Variants in NSMAF observed in about 807,000 individuals in gnomAD.
NSMAF encodes the protein protein FAN.
A neutral mutation model predicts 134.9 loss-of-function variants in NSMAF; 90 were observed. The ratio of observed to expected loss-of-function variants is 0.67; its 90% confidence interval spans 0.56 to 0.79. The LOEUF is 0.79. NSMAF is among the 30% of genes least tolerant of loss of function. NSMAF has a pLI of 0.00. For synonymous variants in NSMAF, 358 were observed against 389.6 expected (o/e 0.92, Z 0.96); for missense variants, 1,010 against 1,119.0 (o/e 0.90, Z 1.39).
chr8:58,621,009 T>C (rs184450179), intron 9 of NSMAF, among the ~76,000 whole-genome samples: 30 of 152,258 alleles, frequency 2.0e-4, no homozygotes, highest in Non-Finnish European at 4.1e-4. Flanking sequence ...AGATAAAATA[T>C]ATGTCTTGGG....
chr8:58,650,946 G>A (rs148870150), intron 1 of NSMAF, among the ~76,000 whole-genome samples: 4 of 152,212 alleles, frequency 2.6e-5, no homozygotes, highest in Non-Finnish European at 4.4e-5. Flanking sequence ...CCCACTTAAC[G>A]TGGCCTGTAA....
At chr8:58,608,699 T>C (rs1806460589) in intron 10 of NSMAF, among the ~76,000 whole-genome samples, 3 of 152,212 alleles carry the variant, frequency 2.0e-5, no homozygotes, top group Non-Finnish European at 4.4e-5. Flanking sequence ...GAGAATGCTG[T>C]GCTAGCAGCA....
At chr8:58,652,520 A>C (rs1807608984) in intron 1 of NSMAF, among the ~76,000 whole-genome samples, 1 of 152,216 alleles carries the variant, frequency 6.6e-6, no homozygotes, top group Non-Finnish European at 1.5e-5. Context: ...CTGAGCTGGG[A>C]TGAGTGAGCC....
At chr8:58,597,354 G>GGT (rs1806159608) in intron 21 of NSMAF, 33 bp downstream of exon 21, 1 of 1,578,306 alleles carries the variant, frequency 6.3e-7, no homozygotes, top group East Asian at 2.2e-5. Flanking sequence ...AGAAACAAAA[G>GGT]GTGCTCACGT....
At chr8:58,589,930 T>C in intron 25 of NSMAF, 77 bp downstream of exon 25, 3 of 1,239,662 alleles carry the variant, frequency 2.4e-6, no homozygotes, top group Non-Finnish European at 3.5e-6. Flanking sequence ...GGAAAGCTTC[T>C]GGCTTTTCAC....
chr8:58,642,942 A>G (rs776887654), intron 2 of NSMAF, 42 bp downstream of exon 2: 1 of 1,396,844 alleles, frequency 7.2e-7, no homozygotes, highest in East Asian at 2.3e-5. Flanking sequence ...TTCAGATATC[A>G]GAAAGGTTTG....
At position 58,584,180 on chromosome 8, in the gene NSMAF, T is replaced by C. The variant is rs1437688871; in HGVS notation, c.2680A>G (p.Met894Val). Residue 894 changes from methionine (M) to valine (V), a missense_variant, in exon 31 of 31, where the codon ATG becomes GTG. Coordinates refer to ENST00000038176, the MANE Select transcript of NSMAF (RefSeq NM_003580.4). ...GHTGAVTCIW[M>V]NEQCSSIITG... ...ATGATACTGCTACACTGTTCATTCA[T>C]CCATATACATGTCACAGCACCTGAG... 23 of 1,613,598 alleles carry C rather than the reference T, an allele frequency of 1.4e-5. No homozygotes were observed. The East Asian group carries it at 4.9e-4, about 34-fold the overall frequency.
At position 58,597,611 on chromosome 8, in the gene NSMAF, C is replaced by T. The variant is rs367996558; in HGVS notation, c.1629-61G>A. The T allele has an allele frequency of 4.3e-5, 63 of 1,468,118 alleles. No individual in the cohort carries two copies. The African/African-American group carries it at 7.4e-4, about 17-fold the overall frequency. The allele number at this position is 1,468,118 out of a possible 1,614,324, so 90.9% of individuals were successfully genotyped here. The stretch of plus-strand genomic sequence containing the variant: ...TAGGTTCGAGTTCCTTGAAAGCACG[C>T]ATTTCAAATAGTACTGATCAATAGG... On this transcript the variant is annotated intron_variant, in intron 20 of 30. Transcript: ENST00000038176.
chr8:58,626,066 A>T, intron 6 of NSMAF, among the ~76,000 whole-genome samples: 1 of 134,484 alleles, frequency 7.4e-6, no homozygotes, highest in African/African-American at 2.8e-5. Flanking sequence ...CTTCCCCCTA[A>T]GCCCCCAAAG....
At chr8:58,607,560 A>G (rs1170800869) in intron 11 of NSMAF, among the ~76,000 whole-genome samples, 1 of 152,272 alleles carries the variant, frequency 6.6e-6, no homozygotes, top group East Asian at 1.9e-4. Context: ...AAAATACTTC[A>G]TAATAGAACC....
At chr8:58,624,493 C>CT (rs905494548) in intron 6 of NSMAF, among the ~76,000 whole-genome samples, 87 of 145,606 alleles carry the variant, frequency 6.0e-4, no homozygotes, top group African/African-American at 1.5e-3. Context: ...TAAATTTTCT[C>CT]TTTTTTTTTT....
At chr8:58,627,697 A>G (rs1196960094) in intron 6 of NSMAF, among the ~76,000 whole-genome samples, 1 of 152,202 alleles carries the variant, frequency 6.6e-6, no homozygotes, top group Non-Finnish European at 1.5e-5. Flanking sequence ...ATAAAACACT[A>G]TTGAAAGAAA....
At chr8:58,647,894 T>C (rs1304940480) in intron 1 of NSMAF, among the ~76,000 whole-genome samples, 4 of 152,160 alleles carry the variant, frequency 2.6e-5, no homozygotes. Flanking sequence ...GGCATTTTAT[T>C]ATGGATATAC....
rs752186543 is a variant in NSMAF, at chr8:58,609,775, T to C, written c.558-42A>G. On this transcript the variant is annotated intron_variant, in intron 9 of 30. Coordinates refer to ENST00000038176, the MANE Select transcript of NSMAF (RefSeq NM_003580.4). ...CAGCAAAAGTAAGAAAAATCAGAAA[T>C]TGATCTACTTTCTAGGTTTATCTAA... 21 of 1,600,486 alleles carry C rather than the reference T, an allele frequency of 1.3e-5. No individual in the cohort carries two copies. In the Admixed American group the frequency reaches 2.0e-4, roughly 15 times the overall value.
chr8:58,659,491 G>A (rs926893019), intron 1 of NSMAF, 82 bp downstream of exon 1: 4 of 1,502,098 alleles, frequency 2.7e-6, no homozygotes, highest in African/African-American at 2.9e-5. Context: ...GCCGCCTCCC[G>A]TCCCTCAGAT....
In NSMAF at chr8:58,600,632, A is replaced by AT. The variant is rs1295554139; in HGVS notation, c.1281-612_1281-611insA. On this transcript the variant is annotated intron_variant, in intron 16 of 30. Transcript: ENST00000038176. ...GCAAGACTCTGTCTCAAAAAAAAAA[A>AT]AAAAAAAAAAAAAAGATTAGCACCA... Among the ~76,000 whole-genome samples the AT allele has an allele frequency of 7.6e-3, 1,137 of 150,516 alleles. 27 individuals carry two copies. The highest frequency in any genetic ancestry group is 0.026 in the African/African-American group (1,074 of 40,946).
chr8:58,608,053 G>A (rs553834811), intron 10 of NSMAF, among the ~76,000 whole-genome samples: 51 of 152,276 alleles, frequency 3.3e-4, no homozygotes, highest in Non-Finnish European at 6.6e-4. Context: ...CTTCCTCCCC[G>A]CCATGTGGCA....
At position 58,635,391 on chromosome 8, in the gene NSMAF, AAT is replaced by A. The variant is rs1807148434; in HGVS notation, c.229-21_229-20del. ...AAGGAATCTGGATAAAATTGAGAGA[AAT>A]ATTATAAAAATCAAGAAAGGTAAGA... On this transcript the variant is annotated intron_variant, in intron 3 of 30. Coordinates refer to ENST00000038176, the MANE Select transcript of NSMAF (RefSeq NM_003580.4). The A allele has an allele frequency of 6.3e-7, 1 of 1,583,216 alleles. No individual in the cohort carries two copies. Among genetic ancestry groups the A allele is most frequent in the African/African-American group, 1.4e-5 (1 of 73,112 alleles).
At chr8:58,598,952 G>A (rs1023476438) in intron 19 of NSMAF, among the ~76,000 whole-genome samples, 1 of 152,116 alleles carries the variant, frequency 6.6e-6, no homozygotes, top group Non-Finnish European at 1.5e-5. Context: ...CTCGAACCAG[G>A]GAGTCGGAGG....
Sources: gnomAD v4.1 joint callset for allele counts (sites outside exome capture counted in the v4.1 genomes callset) on GRCh38, gnomAD v4.1.1 for gene constraint, MANE v1.5 for transcripts, NCBI Gene and HGNC (gene_info 2026-07-23, HGNC 2026-07-21) for gene names.